SLC35F4: variants seen among roughly 807,000 people sequenced by gnomAD.
SLC35F4 encodes solute carrier family 35 member F4, also known as chromosome 14 open reading frame 36.
Under a neutral mutation model 44.2 loss-of-function variants are expected in SLC35F4, and 24 were observed. That is an observed-to-expected ratio of 0.54 (90% CI 0.39 to 0.76). The LOEUF (loss-of-function observed/expected upper bound fraction) is 0.76. Ranked by LOEUF, SLC35F4 falls within the 30% of genes least tolerant of loss-of-function variation. The pLI is 0.00. For missense variants in SLC35F4, 562 were observed against 586.1 expected (o/e 0.96, Z 0.42); for synonymous variants, 238 against 223.6 (o/e 1.06, Z -0.57).
chr14:57,659,877 G>T (rs1307140924), intron 1 of SLC35F4, among the ~76,000 whole-genome samples: 1 of 152,184 alleles, frequency 6.6e-6, no homozygotes, highest in Non-Finnish European at 1.5e-5. Flanking sequence ...TGACAGAGCA[G>T]ATCTGGTGTA....
intron 1 of SLC35F4, among the ~76,000 whole-genome samples, chr14:57,732,752 G>A (rs1025357105): frequency 6.6e-6 from 1 of 152,080 alleles, no homozygotes; most frequent in African/African-American, 2.4e-5. Context: ...ATAGTTGGAA[G>A]GAAGATCTAT....
chr14:57,614,756 T>C (rs2140064905), intron 1 of SLC35F4, among the ~76,000 whole-genome samples: 1 of 152,214 alleles, frequency 6.6e-6, no homozygotes, highest in Middle Eastern at 3.4e-3. Context: ...GGGTATGGGA[T>C]TTCAAACTAG....
At chr14:57,900,777 C>T (rs1167131946) in intron 1 of SLC35F4, among the ~76,000 whole-genome samples, 1 of 152,104 alleles carries the variant, frequency 6.6e-6, no homozygotes, top group Non-Finnish European at 1.5e-5. Context: ...GTCTATCCAT[C>T]TGACAAAGGT....
rs1035237163 is a variant in SLC35F4, at chr14:57,578,075, C to T, written c.807+3139G>A. On this transcript the variant is annotated intron_variant, in intron 4 of 7. Transcript: ENST00000556826. ...TAGTAATTCTGGCCTACTTGTGGTCCGGATAAACCCATATTTATGATGTTG... is the reference window on the plus strand; with the variant it reads ...TAGTAATTCTGGCCTACTTGTGGTCTGGATAAACCCATATTTATGATGTTG... 5.3e-5 allele frequency among the ~76,000 whole-genome samples: 8 copies of T among 150,436 alleles called. No homozygotes were observed. The South Asian group carries it at 6.3e-4, about 12-fold the overall frequency.
At chr14:57,867,504 A>C (rs543578875), upstream of SLC35F4, among the ~76,000 whole-genome samples, 3 of 152,232 alleles carry the variant, frequency 2.0e-5, 1 homozygote, top group African/African-American at 7.2e-5. Context: ...GGGTGGAAAG[A>C]GCTAAAAGGT....
intron 1 of SLC35F4, among the ~76,000 whole-genome samples, chr14:57,962,919 T>TG (rs1431358351): frequency 6.6e-6 from 1 of 151,968 alleles, no homozygotes; most frequent in Non-Finnish European, 1.5e-5. Context: ...TGCCGGAGGT[T>TG]GGGGGAACAG....
At chr14:57,880,543 A>T (rs1003105328) in intron 1 of SLC35F4, among the ~76,000 whole-genome samples, 12 of 152,350 alleles carry the variant, frequency 7.9e-5, no homozygotes, top group African/African-American at 2.9e-4. Flanking sequence ...CATTGATGAC[A>T]AAGTACCCCA....
intron 1 of SLC35F4, among the ~76,000 whole-genome samples, chr14:57,768,161 C>G (rs2077277615): frequency 1.3e-5 from 2 of 152,248 alleles, no homozygotes; most frequent in South Asian, 4.2e-4. Context: ...TATCATGACA[C>G]CAACACGAGA....
chr14:57,661,107 G>A (rs936400091), intron 1 of SLC35F4, among the ~76,000 whole-genome samples: 30 of 152,148 alleles, frequency 2.0e-4, no homozygotes, highest in African/African-American at 6.3e-4. Context: ...ATCGAGTTAC[G>A]AATATTGGAG....
At chr14:57,718,877 T>G (rs1029686709) in intron 1 of SLC35F4, among the ~76,000 whole-genome samples, 1 of 152,230 alleles carries the variant, frequency 6.6e-6, no homozygotes, top group Non-Finnish European at 1.5e-5. Context: ...TTGCTTTGGT[T>G]GACTGCTCTT....
At chr14:57,877,619 A>G (rs1595262757) in intron 1 of SLC35F4, among the ~76,000 whole-genome samples, 1 of 146,148 alleles carries the variant, frequency 6.8e-6, no homozygotes, top group Non-Finnish European at 1.5e-5. Context: ...TCCCACCAGT[A>G]GTATATAAGT....
At chr14:57,808,789 G>C (rs908584986) in intron 1 of SLC35F4, among the ~76,000 whole-genome samples, 1 of 152,206 alleles carries the variant, frequency 6.6e-6, no homozygotes, top group South Asian at 2.1e-4. Flanking sequence ...CTGGGTGACA[G>C]AGCGAGACTC....
intron 1 of SLC35F4, among the ~76,000 whole-genome samples, chr14:57,728,950 T>C (rs1198478145): frequency 6.6e-6 from 1 of 152,182 alleles, no homozygotes; most frequent in Non-Finnish European, 1.5e-5. Flanking sequence ...GGTAAAAGTT[T>C]TTTCCTTCAG....
At chr14:57,696,438 G>C (rs576158428) in intron 1 of SLC35F4, among the ~76,000 whole-genome samples, 13 of 152,316 alleles carry the variant, frequency 8.5e-5, no homozygotes, top group Admixed American at 2.6e-4. Context: ...CGAGGATGTG[G>C]AGAAATAGGA....
intron 1 of SLC35F4, among the ~76,000 whole-genome samples, chr14:57,600,509 G>T (rs1474728646): frequency 1.3e-5 from 2 of 149,512 alleles, no homozygotes; most frequent in African/African-American, 4.9e-5. Context: ...CGGCTAAAAC[G>T]GTGAAACCCC....
intron 1 of SLC35F4, among the ~76,000 whole-genome samples, chr14:57,638,856 A>G (rs1406071726): frequency 6.6e-6 from 1 of 152,044 alleles, no homozygotes; most frequent in Non-Finnish European, 1.5e-5. Flanking sequence ...GAGGTCCCCT[A>G]TCAAGAGGTC....
At chr14:57,687,711 A>G (rs1656866165) in intron 1 of SLC35F4, among the ~76,000 whole-genome samples, 1 of 152,092 alleles carries the variant, frequency 6.6e-6, no homozygotes, top group Non-Finnish European at 1.5e-5. Context: ...CTGCTTTTCA[A>G]TCCCTTGTGG....
chr14:57,827,943 T>C (rs1883965653), intron 1 of SLC35F4, among the ~76,000 whole-genome samples: 1 of 152,230 alleles, frequency 6.6e-6, no homozygotes, highest in African/African-American at 2.4e-5. Context: ...AACCTGCATC[T>C]ACATTTGTTT....
At chr14:57,981,358 A>G (rs1189717367) in intron 1 of SLC35F4, among the ~76,000 whole-genome samples, 1 of 152,182 alleles carries the variant, frequency 6.6e-6, no homozygotes, top group Non-Finnish European at 1.5e-5. Context: ...AGCGTGGGAA[A>G]TGGGTGCTTG....
Sources: gnomAD v4.1 joint callset for allele counts (sites outside exome capture counted in the v4.1 genomes callset) on GRCh38, gnomAD v4.1.1 for gene constraint, MANE v1.5 for transcripts, NCBI Gene and HGNC (gene_info 2026-07-23, HGNC 2026-07-21) for gene names.